Variants in TBC1D15 observed in about 807,000 individuals in gnomAD.
TBC1D15 encodes TBC1 domain family member 15.
TBC1D15 carries 39 observed loss-of-function variants against 95.4 expected under a neutral mutation model. That is an observed-to-expected ratio of 0.41 (90% CI 0.32 to 0.53). The LOEUF is 0.53. Ranked by LOEUF, TBC1D15 falls within the 20% of genes least tolerant of loss-of-function variation. TBC1D15 has a pLI of 0.29. For synonymous variants in TBC1D15, 258 were observed against 261.3 expected, an observed-to-expected ratio of 0.99 and a Z score of 0.12; for missense variants, 733 against 794.3, an observed-to-expected ratio of 0.92 and a Z score of 0.93.
intron 1 of TBC1D15, among the ~76,000 whole-genome samples, chr12:71,848,977 T>C (rs1470155941): frequency 1.3e-5 from 2 of 152,292 alleles, no homozygotes; most frequent in East Asian, 3.9e-4. Flanking sequence ...ATTTAAAGTT[T>C]GCAGGAAATA....
chr12:71,900,140 G>A (rs1183224303), intron 10 of TBC1D15, among the ~76,000 whole-genome samples: 1 of 152,044 alleles, frequency 6.6e-6, no homozygotes, highest in Admixed American at 6.6e-5. Flanking sequence ...GAGAAATGGG[G>A]TATGGTGAAA....
intron 11 of TBC1D15, among the ~76,000 whole-genome samples, chr12:71,910,802 A>G (rs1013351000): frequency 6.6e-6 from 1 of 152,218 alleles, no homozygotes; most frequent in Non-Finnish European, 1.5e-5. Context: ...GAGCTTCTGC[A>G]CAGCAAAGGA....
intron 11 of TBC1D15, among the ~76,000 whole-genome samples, chr12:71,913,173 GCC>G (rs1902817211): frequency 6.6e-6 from 1 of 151,974 alleles, no homozygotes; most frequent in African/African-American, 2.4e-5. Flanking sequence ...ATTGGGTTAA[GCC>G]CAGTTGCTGG....
chr12:71,841,004 T>G (rs980440408), intron 1 of TBC1D15: 1 of 152,258 alleles, frequency 6.6e-6, no homozygotes, highest in Non-Finnish European at 1.5e-5. Context: ...ATTACACACT[T>G]GTACCTACTG....
At chr12:71,854,559 A>G (rs1364196192) in intron 1 of TBC1D15, 2 of 456,606 alleles carry the variant, frequency 4.4e-6, no homozygotes, top group Non-Finnish European at 8.8e-6. Context: ...GTACCTTCTG[A>G]CAGGCGACAT....
At chr12:71,913,246 A>T (rs1902845878) in intron 11 of TBC1D15, 1 of 152,278 alleles carries the variant, frequency 6.6e-6, no homozygotes, top group Non-Finnish European at 1.5e-5. Flanking sequence ...GACTATTTAA[A>T]AGAGGCTCTT....
intron 10 of TBC1D15, among the ~76,000 whole-genome samples, chr12:71,904,651 T>C (rs1592803140): frequency 6.6e-6 from 1 of 152,268 alleles, no homozygotes; most frequent in East Asian, 1.9e-4. Context: ...CACAGAGTTA[T>C]GGAAACTCAT....
intron 1 of TBC1D15, chr12:71,854,816 CA>C (rs1405223497): frequency 8.8e-6 from 4 of 456,574 alleles, no homozygotes; most frequent in Non-Finnish European, 1.8e-5. Context: ...GCTACTTCCT[CA>C]AATCTTTGAT....
At chr12:71,865,771 G>C (rs776024913) in intron 1 of TBC1D15, among the ~76,000 whole-genome samples, 8 of 152,086 alleles carry the variant, frequency 5.3e-5, no homozygotes, top group Middle Eastern at 3.2e-3. Flanking sequence ...TACTGTGTCA[G>C]CTCAGCCTGG....
chr12:71,920,022 AAC>A (rs1868648052), intron 14 of TBC1D15, among the ~76,000 whole-genome samples: 1 of 152,160 alleles, frequency 6.6e-6, no homozygotes, highest in Admixed American at 6.6e-5. Flanking sequence ...GAAAGAAGTA[AAC>A]ACATTTCGGG....
intron 1 of TBC1D15, among the ~76,000 whole-genome samples, chr12:71,864,153 T>C (rs1890970042): frequency 2.0e-5 from 3 of 152,022 alleles, no homozygotes; most frequent in Admixed American, 2.0e-4. Context: ...CACTGCAACC[T>C]CTGCCTCCTG....
chr12:71,867,950 T>C, intron 1 of TBC1D15, among the ~76,000 whole-genome samples: 1 of 152,240 alleles, frequency 6.6e-6, no homozygotes. Context: ...TATGTACCAA[T>C]GCAACTATTT....
At chr12:71,883,218 A>G (rs1414337988) in intron 4 of TBC1D15, among the ~76,000 whole-genome samples, 2 of 151,916 alleles carry the variant, frequency 1.3e-5, no homozygotes, top group Non-Finnish European at 2.9e-5. Flanking sequence ...AGGTAGTCTA[A>G]GTACATTCAT....
intron 1 of TBC1D15, chr12:71,868,988 AATTTTATT>A (rs1892083302): frequency 6.6e-6 from 1 of 152,190 alleles, no homozygotes; most frequent in African/African-American, 2.4e-5. Flanking sequence ...TTTTAAAATA[AATTTTATT>A]ATGTACATTT....
chr12:71,871,215 C>T (rs1892603583), intron 1 of TBC1D15, among the ~76,000 whole-genome samples: 2 of 152,030 alleles, frequency 1.3e-5, no homozygotes, highest in South Asian at 4.1e-4. Flanking sequence ...GGAATTTATT[C>T]AAGGATTATG....
chr12:71,881,774 G>T (rs1218299125), intron 4 of TBC1D15, among the ~76,000 whole-genome samples: 1 of 151,906 alleles, frequency 6.6e-6, no homozygotes, highest in Admixed American at 6.6e-5. Context: ...AAAATTAGCC[G>T]GGCGTGGTGG....
intron 4 of TBC1D15, among the ~76,000 whole-genome samples, chr12:71,884,481 AG>A (rs1200278732): frequency 6.6e-6 from 1 of 152,160 alleles, no homozygotes; most frequent in Non-Finnish European, 1.5e-5. Flanking sequence ...TATTTGTCCC[AG>A]GTCATTCAGT....
chr12:71,900,372 A>G (rs1899091594), intron 10 of TBC1D15, among the ~76,000 whole-genome samples: 1 of 152,142 alleles, frequency 6.6e-6, no homozygotes, highest in African/African-American at 2.4e-5. Flanking sequence ...TTGGCAACAC[A>G]TTAACCCATT....
intron 9 of TBC1D15, among the ~76,000 whole-genome samples, chr12:71,897,065 G>A (rs1265916337): frequency 2.6e-5 from 4 of 151,902 alleles, no homozygotes; most frequent in East Asian, 1.9e-4. Flanking sequence ...AGATAACTAC[G>A]TAGACATACA....
Sources: gnomAD v4.1 joint callset for allele counts (sites outside exome capture counted in the v4.1 genomes callset) on GRCh38, gnomAD v4.1.1 for gene constraint, MANE v1.5 for transcripts, NCBI Gene and HGNC (gene_info 2026-07-23, HGNC 2026-07-21) for gene names.